ADCY1: variants seen among roughly 807,000 people sequenced by gnomAD.
ADCY1 encodes the protein adenylate cyclase type 1.
ADCY1 carries 28 observed loss-of-function variants against 105.4 expected under a neutral mutation model. The ratio of observed to expected loss-of-function variants is 0.27; its 90% CI spans 0.20 to 0.36. The LOEUF is 0.36. ADCY1 is among the 10% of genes least tolerant of loss of function. The pLI, the probability that ADCY1 is intolerant of heterozygous loss-of-function variation, is 1.00. For synonymous variants in ADCY1, 655 were observed against 623.8 expected (o/e 1.05, Z -0.75); for missense variants, 977 against 1,434.2 (o/e 0.68, Z 5.15).
At chr7:45,584,462 C>G (rs1034967393) in intron 1 of ADCY1, among the ~76,000 whole-genome samples, 1 of 152,236 alleles carries the variant, frequency 6.6e-6, no homozygotes, top group African/African-American at 2.4e-5. Flanking sequence ...GGCCCCTTCA[C>G]AGCAGGGCCA....
At chr7:45,659,759 T>TTC (rs201006324) in intron 6 of ADCY1, among the ~76,000 whole-genome samples, 2 of 148,498 alleles carry the variant, frequency 1.3e-5, no homozygotes, top group South Asian at 2.1e-4. Context: ...GATGTATTCT[T>TTC]TCTCTCTCTC....
In ADCY1 at chr7:45,708,553, G is replaced by C; in HGVS notation, c.2932+89G>C. ...TGGGATCAGCTGATGAGGTACCCTG[G>C]TCTTACAGGAAGGAGGGTGGTGCCA... is the stretch of plus-strand genomic sequence containing the variant. On this transcript the variant is annotated intron_variant, in intron 18 of 19. Transcript: ENST00000297323. The surrounding 1 kb of genome is among the most constrained non-coding windows in gnomAD (Gnocchi z 4.7). 1 of 1,012,382 alleles carries C rather than the reference G, an allele frequency of 9.9e-7. No homozygotes were observed. The highest frequency in any genetic ancestry group is 1.5e-5 in the South Asian group (1 of 67,612). 62.7% of individuals were successfully genotyped at this position (1,012,382 alleles called of 1,614,324 possible).
chr7:45,658,355 T>G (rs1794995267), intron 6 of ADCY1, among the ~76,000 whole-genome samples: 1 of 152,196 alleles, frequency 6.6e-6, no homozygotes, highest in Non-Finnish European at 1.5e-5. Context: ...TGATGCCTTC[T>G]TTGAGCTCTC....
At chr7:45,612,116 T>C (rs1475608462) in intron 3 of ADCY1, among the ~76,000 whole-genome samples, 1 of 152,192 alleles carries the variant, frequency 6.6e-6, no homozygotes, top group Non-Finnish European at 1.5e-5. Flanking sequence ...ATTGTCATGC[T>C]ATTAAGTAAG....
At chr7:45,636,206 C>T (rs1340282420) in intron 4 of ADCY1, among the ~76,000 whole-genome samples, 1 of 152,168 alleles carries the variant, frequency 6.6e-6, no homozygotes, top group African/African-American at 2.4e-5. Flanking sequence ...TGTTCTAAGA[C>T]TACCAATGGA....
intron 5 of ADCY1, among the ~76,000 whole-genome samples, chr7:45,651,156 G>A (rs899740572): frequency 3.9e-5 from 6 of 152,252 alleles, no homozygotes; most frequent in Admixed American, 2.0e-4. Flanking sequence ...AGCTCTACAC[G>A]CCAGAGTTCC....
Position 45,686,234 on chromosome 7 carries a change from A to G in ADCY1, c.2327+19A>G, listed in dbSNP as rs764574099. ...GGACTGGGTAAGTGTGTGGCTCCTC[A>G]AGAAAAAGGCCTAAGCAGCGGTGCT... On this transcript the variant is annotated intron_variant, in intron 13 of 19. Coordinates refer to ENST00000297323, the MANE Select transcript of ADCY1 (RefSeq NM_021116.4). The surrounding 1 kb of genome is among the most constrained non-coding windows in gnomAD (Gnocchi z 4.3). The G allele has an allele frequency of 1.7e-5, 27 of 1,608,928 alleles. 1 individual carries two copies. In the South Asian group the frequency reaches 2.8e-4, roughly 17 times the overall value.
rs749151602 is a variant in ADCY1 at position 45,686,551 on chromosome 7, G to A, written c.2332G>A (p.Gly778Ser). 1.2e-5 allele frequency: 19 copies of A among 1,610,448 alleles called. No homozygotes were observed. The highest frequency in any genetic ancestry group is 1.4e-5 in the Non-Finnish European group (17 of 1,177,852). ...TTCTTCCTCATCTTCCCCCAGGGGT[G>A]GTGCCGTCTCCGGGCGCAGCTACGA... ...ELSGYTRTGG[G>S]AVSGRSYEPI... Residue 778 changes from glycine (G) to serine (S), a missense_variant, in exon 14 of 20, where the codon GGT becomes AGT. Physicochemically the swap from Gly to Ser is moderately conservative, Grantham distance 56. Around this residue, in one of 7 missense-constraint regions of ADCY1, gnomAD observed 275 missense variants for 362.1 expected, o/e 0.76. Coordinates refer to ENST00000297323, the MANE Select transcript of ADCY1 (RefSeq NM_021116.4). The surrounding 1 kb of genome is among the most constrained non-coding windows in gnomAD (Gnocchi z 4.3).
At chr7:45,691,117 G>A (rs1373141420) in intron 14 of ADCY1, among the ~76,000 whole-genome samples, 1 of 152,138 alleles carries the variant, frequency 6.6e-6, no homozygotes, top group African/African-American at 2.4e-5. Context: ...TGGCTTTGTT[G>A]TTCTTTGAAA....
chr7:45,580,740 G>T (rs1289528138), intron 1 of ADCY1, among the ~76,000 whole-genome samples: 1 of 152,210 alleles, frequency 6.6e-6, no homozygotes, highest in Non-Finnish European at 1.5e-5. Flanking sequence ...ACCACACTGT[G>T]GACTTGCCCT....
intron 2 of ADCY1, among the ~76,000 whole-genome samples, chr7:45,608,106 A>G (rs937451975): frequency 6.6e-6 from 1 of 152,130 alleles, no homozygotes; most frequent in African/African-American, 2.4e-5. Context: ...CCTCACCAGC[A>G]TCTGTTGTTT....
rs1468243923 is a variant in ADCY1, at chr7:45,694,700, TG to T, written c.2454+8030del. Among the ~76,000 whole-genome samples, 5 of 152,238 alleles carry T rather than the reference TG, an allele frequency of 3.3e-5. No individual in the cohort carries two copies. The East Asian group carries it at 7.7e-4, about 23-fold the overall frequency. On this transcript the variant is annotated intron_variant, in intron 14 of 19. Transcript: ENST00000297323. ...CTTACAGGGAAGGATACAGATCCTTTGGGTCTTGCTTTTCACCTTTGTTAGG... is the reference window on the plus strand; with the variant it reads ...CTTACAGGGAAGGATACAGATCCTTTGGTCTTGCTTTTCACCTTTGTTAGG...
chr7:45,646,871 AC>A lies in ADCY1; in HGVS notation c.1021-1797del, dbSNP rs765130495. On this transcript the variant is annotated intron_variant, in intron 4 of 19. Coordinates refer to ENST00000297323, the MANE Select transcript of ADCY1 (RefSeq NM_021116.4). ...TTGTACTGTCACCAGCCTCTCTGTG[AC>A]CAGCTCCCTGTCAGCAGGAGGAGCC... is the stretch of plus-strand genomic sequence containing the variant. Among the ~76,000 whole-genome samples, 17 of 152,314 alleles carry A rather than the reference AC, an allele frequency of 1.1e-4. No individual in the cohort carries two copies. In the East Asian group the frequency reaches 1.7e-3, roughly 16 times the overall value.
At chr7:45,579,849 C>G (rs2115705941) in intron 1 of ADCY1, among the ~76,000 whole-genome samples, 1 of 152,298 alleles carries the variant, frequency 6.6e-6, no homozygotes, top group East Asian at 1.9e-4. Context: ...CTGTGGCAGC[C>G]TCGCTGCTTC....
intron 7 of ADCY1, among the ~76,000 whole-genome samples, chr7:45,661,741 A>G (rs1795112169): frequency 6.6e-6 from 1 of 152,196 alleles, no homozygotes; most frequent in South Asian, 2.1e-4. Context: ...CCTTCATTCC[A>G]AGCCCTGGTT....
chr7:45,599,632 G>C (rs1374196452), intron 2 of ADCY1, among the ~76,000 whole-genome samples: 2 of 141,774 alleles, frequency 1.4e-5, no homozygotes, highest in African/African-American at 5.2e-5. Context: ...TGCCATATCT[G>C]TTTTTTTTTT....
intron 1 of ADCY1, among the ~76,000 whole-genome samples, chr7:45,585,105 A>G (rs1169276175): frequency 6.6e-6 from 1 of 152,252 alleles, no homozygotes; most frequent in Non-Finnish European, 1.5e-5. Flanking sequence ...CTTTGCCTTC[A>G]TTCCCCTATG....
Position 45,717,762 on chromosome 7 carries a change from G to A in ADCY1, c.*3767G>A, listed in dbSNP as rs181628319. ...CCGGCCCGGGTGGTCCATGCCTGCG[G>A]GGTGTCTGTATCCTGCAGGAGGACG... On this transcript the variant is annotated 3_prime_UTR_variant, in exon 20 of 20. Transcript: ENST00000297323. 9 of 152,536 alleles carry A rather than the reference G, an allele frequency of 5.9e-5. No individual in the cohort carries two copies. The highest frequency in any genetic ancestry group is 2.2e-4 in the African/African-American group (9 of 41,562). 9.4% of individuals were successfully genotyped at this position (152,536 alleles called of 1,614,324 possible).
intron 4 of ADCY1, among the ~76,000 whole-genome samples, chr7:45,645,566 T>C (rs1584298766): frequency 1.3e-5 from 2 of 152,224 alleles, no homozygotes; most frequent in East Asian, 3.9e-4. Flanking sequence ...AGCCTTGTCC[T>C]GCACACCTGT....
Sources: allele counts gnomAD v4.1 joint callset (sites outside exome capture counted in the v4.1 genomes callset), GRCh38; gene constraint gnomAD v4.1.1; regional missense constraint gnomAD v4.1.1; non-coding constraint Gnocchi (gnomAD v3.1); transcripts MANE v1.5; gene names NCBI Gene and HGNC (gene_info 2026-07-23, HGNC 2026-07-21).